The following ATP6V1C1 variants were observed in gnomAD, a reference collection of about 807,000 sequenced individuals.
ATP6V1C1 encodes the protein V-type proton ATPase subunit C 1.
ATP6V1C1 carries 45 observed loss-of-function variants against 53.9 expected under a neutral mutation model. The observed-to-expected ratio is 0.83, with a 90% CI of 0.66 to 1.07. ATP6V1C1 has a LOEUF of 1.07. Ranked by LOEUF, ATP6V1C1 falls within the 50% of genes least tolerant of loss-of-function variation. The probability of loss-of-function intolerance (pLI) is 0.00; values close to 1 mark genes in which losing one functional copy is unlikely to be tolerated. For missense variants in ATP6V1C1, 315 were observed against 440.3 expected (o/e 0.72, Z 2.55); for synonymous variants, 153 against 155.2 (o/e 0.99, Z 0.11).
At chr8:103,048,251 G>A (rs973656004) in intron 3 of ATP6V1C1, among the ~76,000 whole-genome samples, 12 of 152,138 alleles carry the variant, frequency 7.9e-5, no homozygotes, top group Non-Finnish European at 1.6e-4. Context: ...TGGAGTTTTT[G>A]CCATTTTTTT....
intron 12 of ATP6V1C1, among the ~76,000 whole-genome samples, chr8:103,066,713 A>G (rs928568218): frequency 6.6e-6 from 1 of 152,208 alleles, no homozygotes; most frequent in African/African-American, 2.4e-5. Flanking sequence ...GCAGAAATAC[A>G]GAAACCAGTG....
At chr8:103,062,883 C>G in intron 8 of ATP6V1C1, 72 bp from the exon 9 acceptor site, 1 of 1,344,002 alleles carries the variant, frequency 7.4e-7, no homozygotes, top group South Asian at 1.2e-5. Flanking sequence ...CCACCTGTTT[C>G]TGAATTTTGC....
intron 8 of ATP6V1C1, among the ~76,000 whole-genome samples, chr8:103,062,161 G>GTT (rs767825523): frequency 0.035 from 2,498 of 70,822 alleles, 482 homozygotes; most frequent in Non-Finnish European, 0.039. Flanking sequence ...GTTCATCAGG[G>GTT]TTTTTTTTTT....
At chr8:103,054,179 T>A (rs969597300) in intron 7 of ATP6V1C1, among the ~76,000 whole-genome samples, 197 bp downstream of exon 7, 3 of 152,080 alleles carry the variant, frequency 2.0e-5, no homozygotes, top group African/African-American at 7.2e-5. Flanking sequence ...GAGACTTCAG[T>A]TATAAATTGA....
intron 1 of ATP6V1C1, among the ~76,000 whole-genome samples, chr8:103,028,620 A>G (rs1300127155): frequency 6.6e-6 from 1 of 152,224 alleles, no homozygotes; most frequent in African/African-American, 2.4e-5. Flanking sequence ...TAGGAGCAGA[A>G]GAGGATCCTG....
At position 103,063,206 on chromosome 8, in the gene ATP6V1C1, C is replaced by T. The variant is rs144088728; in HGVS notation, c.806C>T (p.Ser269Phe). 8 of 1,607,104 alleles carry T rather than the reference C, an allele frequency of 5.0e-6. No homozygotes were observed. Among genetic ancestry groups the T allele is most frequent in the Non-Finnish European group, 6.8e-6 (8 of 1,175,668 alleles). The change falls in exon 10 of 13, where the codon TCT becomes TTT. Residue 269 changes from serine to phenylalanine, a missense_variant. Physicochemically the swap from Ser to Phe is radical, Grantham distance 155. Transcript: ENST00000518738. ...KADKEEMNRL[S>F]TDKKKQFGPL... Reference sequence around the variant, plus strand: ...GATAAAGAAGAAATGAACAGGCTTTCTACTGATAAGAAAAAACAATTTGTA... The same window carrying T: ...GATAAAGAAGAAATGAACAGGCTTTTTACTGATAAGAAAAAACAATTTGTA...
intron 1 of ATP6V1C1, among the ~76,000 whole-genome samples, chr8:103,032,490 T>C (rs1816816047): frequency 6.6e-6 from 1 of 152,156 alleles, no homozygotes; most frequent in African/African-American, 2.4e-5. Context: ...TTTTTTCTTT[T>C]TCTTTTTCTT....
At position 103,040,790 on chromosome 8, in the gene ATP6V1C1, C is replaced by G. The variant is rs1485537433; in HGVS notation, c.-39-8C>G. 1 of 1,576,240 alleles carries G rather than the reference C, an allele frequency of 6.3e-7. No homozygotes were observed. The highest frequency in any genetic ancestry group is 1.9e-5 in the Admixed American group (1 of 52,192). On this transcript the variant is annotated splice_region_variant and splice_polypyrimidine_tract_variant and intron_variant, in intron 1 of 12. Coordinates refer to ENST00000518738, the MANE Select transcript of ATP6V1C1 (RefSeq NM_001695.5). ...AATGTGATTTTTTTTATTTGTTTTA[C>G]ATTTCAGAATCTCTCTTGATTTTTG... is the stretch of plus-strand genomic sequence containing the variant.
intron 1 of ATP6V1C1, among the ~76,000 whole-genome samples, chr8:103,023,705 A>G (rs551309972): frequency 7.2e-4 from 110 of 152,194 alleles, no homozygotes; most frequent in Non-Finnish European, 1.4e-3. Flanking sequence ...GTGGATGAAA[A>G]TGCTATTCAT....
chr8:103,062,161 G>GTTTTTTTTTTT (rs767825523), intron 8 of ATP6V1C1, among the ~76,000 whole-genome samples: 2 of 70,744 alleles, frequency 2.8e-5, no homozygotes, highest in African/African-American at 5.9e-5. Context: ...GTTCATCAGG[G>GTTTTTTTTTTT]TTTTTTTTTT....
At chr8:103,041,990 C>A (rs1817009013) in intron 2 of ATP6V1C1, among the ~76,000 whole-genome samples, 1 of 152,176 alleles carries the variant, frequency 6.6e-6, no homozygotes, top group Non-Finnish European at 1.5e-5. Context: ...GTTTTGCATG[C>A]AAATTTAATT....
chr8:103,064,522 T>A, intron 10 of ATP6V1C1, 192 bp from the exon 11 acceptor site: 1 of 466,906 alleles, frequency 2.1e-6, no homozygotes, highest in South Asian at 3.5e-5. Flanking sequence ...CTCTCTGTAG[T>A]GGCGAACCTT....
intron 1 of ATP6V1C1, among the ~76,000 whole-genome samples, chr8:103,035,558 A>C (rs1277632696): frequency 1.3e-5 from 2 of 152,120 alleles, no homozygotes; most frequent in Non-Finnish European, 2.9e-5. Flanking sequence ...GATATTTCTC[A>C]TCTGGGATAC....
chr8:103,022,236 T>A (rs1281286783), intron 1 of ATP6V1C1, among the ~76,000 whole-genome samples: 3 of 151,732 alleles, frequency 2.0e-5, no homozygotes, highest in African/African-American at 7.3e-5. Flanking sequence ...TTGAGAGAAA[T>A]GGGGATAATT....
chr8:103,053,279 C>T (rs1220217414), intron 6 of ATP6V1C1, among the ~76,000 whole-genome samples: 2 of 151,736 alleles, frequency 1.3e-5, no homozygotes, highest in Non-Finnish European at 2.9e-5. Context: ...TTTGGTTGAT[C>T]CCCTTGTACT....
At chr8:103,046,450 G>A (rs909012050) in intron 3 of ATP6V1C1, among the ~76,000 whole-genome samples, 4 of 152,128 alleles carry the variant, frequency 2.6e-5, no homozygotes, top group African/African-American at 9.6e-5. Context: ...GGCCTCAAGC[G>A]ATCCTCCCAC....
chr8:103,067,777 G>T (rs1274403329), intron 12 of ATP6V1C1, among the ~76,000 whole-genome samples: 1 of 151,822 alleles, frequency 6.6e-6, no homozygotes, highest in Non-Finnish European at 1.5e-5. Context: ...TAGAGCTGCG[G>T]TTTCACCATG....
chr8:103,044,525 A>T (rs1280261696), intron 3 of ATP6V1C1, among the ~76,000 whole-genome samples: 1 of 152,190 alleles, frequency 6.6e-6, no homozygotes, highest in Non-Finnish European at 1.5e-5. Flanking sequence ...CCCTTACTGA[A>T]AATCAATTGA....
intron 1 of ATP6V1C1, among the ~76,000 whole-genome samples, chr8:103,023,117 A>C (rs1330147526): frequency 2.0e-5 from 3 of 152,168 alleles, no homozygotes; most frequent in African/African-American, 7.2e-5. Flanking sequence ...TGAAATGTGA[A>C]GAGGAAGAAA....
Sources: gnomAD v4.1 joint callset for allele counts (sites outside exome capture counted in the v4.1 genomes callset) on GRCh38, gnomAD v4.1.1 for gene constraint, MANE v1.5 for transcripts, NCBI Gene and HGNC (gene_info 2026-07-23, HGNC 2026-07-21) for gene names.